SEPTIN9: variants seen among roughly 807,000 people sequenced by gnomAD.
SEPTIN9 encodes the protein septin 9.
A neutral mutation model predicts 56.6 loss-of-function variants in SEPTIN9; 13 were observed. The ratio of observed to expected loss-of-function variants is 0.23; its 90% CI spans 0.15 to 0.37. The LOEUF (loss-of-function observed/expected upper bound fraction) is 0.37, where lower values mean the gene tolerates loss of function less well. Ranked by LOEUF, SEPTIN9 falls within the 10% of genes least tolerant of loss-of-function variation. The pLI, the probability that SEPTIN9 is intolerant of heterozygous loss-of-function variation, is 1.00. For synonymous variants in SEPTIN9, 332 were observed against 334.1 expected (o/e 0.99, Z 0.07); for missense variants, 650 against 823.1 (o/e 0.79, Z 2.57).
Position 77,490,965 on chromosome 17 carries a change from G to A in SEPTIN9, c.1380+106G>A, listed in dbSNP as rs547484949. ...AAGGAGTCACACTGTCAGGGAGACC[G>A]AACCGCTGGTCACTCTCCCCAGCGG... On this transcript the variant is annotated intron_variant, in intron 8 of 11. Transcript: ENST00000427177. 8.9e-6 allele frequency: 8 copies of A among 897,882 alleles called. No homozygotes were observed. In the East Asian group the frequency reaches 1.6e-4, roughly 18 times the overall value. 55.6% of individuals were successfully genotyped at this position (897,882 alleles called of 1,614,324 possible). A position where few individuals can be genotyped will look rare whatever the true frequency, so the allele number is the denominator to read the frequency against.
At chr17:77,285,753 A>T (rs2031248065) in intron 1 of SEPTIN9, among the ~76,000 whole-genome samples, 1 of 152,184 alleles carries the variant, frequency 6.6e-6, no homozygotes, top group Admixed American at 6.5e-5. Context: ...ACCAGCCACG[A>T]TTAAAAAGCT....
At chr17:77,455,327 C>T (rs568372810) in intron 3 of SEPTIN9, among the ~76,000 whole-genome samples, 2 of 152,296 alleles carry the variant, frequency 1.3e-5, no homozygotes, top group Admixed American at 1.3e-4. Flanking sequence ...GGGGGCCCTT[C>T]GCTCTCTGTC....
chr17:77,466,576 G>A (rs1336499673), intron 3 of SEPTIN9: 2 of 985,676 alleles, frequency 2.0e-6, no homozygotes, highest in Non-Finnish European at 2.4e-6. Flanking sequence ...TCAACCCCAG[G>A]CCCTGGGTCC....
chr17:77,398,483 TGAG>T (rs1011939182), intron 2 of SEPTIN9, among the ~76,000 whole-genome samples: 5 of 151,964 alleles, frequency 3.3e-5, no homozygotes, highest in African/African-American at 1.2e-4. Context: ...GGCTTGGCTT[TGAG>T]GAGGATTCCC....
chr17:77,459,688 T>C (rs573171329), intron 3 of SEPTIN9, among the ~76,000 whole-genome samples: 266 of 151,448 alleles, frequency 1.8e-3, no homozygotes, highest in African/African-American at 6.1e-3. Flanking sequence ...GCACGTCACA[T>C]GGCGAGAGAG....
chr17:77,320,106 GT>G lies in SEPTIN9; in HGVS notation c.76+12912del. 2.1e-6 allele frequency: 3 copies of G among 1,450,788 alleles called. No homozygotes were observed. The South Asian group carries it at 4.3e-5, about 21-fold the overall frequency. 89.9% of individuals were successfully genotyped at this position (1,450,788 alleles called of 1,614,324 possible). A position where few individuals can be genotyped will look rare whatever the true frequency, so the allele number is the denominator to read the frequency against. On this transcript the variant is annotated intron_variant, in intron 2 of 11. Transcript: ENST00000427177. ...GTTTTGAAGAGACAATGCTACTTCAGTTTGGAGCACAAACATATGATCAGCA... is the reference window on the plus strand; with the variant it reads ...GTTTTGAAGAGACAATGCTACTTCAGTTGGAGCACAAACATATGATCAGCA...
chr17:77,332,880 C>A (rs931824033), intron 2 of SEPTIN9, among the ~76,000 whole-genome samples: 1 of 152,170 alleles, frequency 6.6e-6, no homozygotes, highest in Non-Finnish European at 1.5e-5. Context: ...GTTGAAAGAC[C>A]CCTGGCTGTT....
At chr17:77,289,858 C>A (rs1260184856) in intron 1 of SEPTIN9, among the ~76,000 whole-genome samples, 1 of 152,180 alleles carries the variant, frequency 6.6e-6, no homozygotes, top group African/African-American at 2.4e-5. Context: ...AAAACTTCAA[C>A]AATCATTGGC....
chr17:77,496,031 C>CTTTTTT (rs534634574), intron 10 of SEPTIN9, among the ~76,000 whole-genome samples: 13 of 140,204 alleles, frequency 9.3e-5, no homozygotes, highest in Non-Finnish European at 1.6e-4. Flanking sequence ...TTTTCTTTTT[C>CTTTTTT]TTTTTTTTTT....
chr17:77,438,904 A>T (rs957371741), intron 3 of SEPTIN9, among the ~76,000 whole-genome samples: 1 of 152,322 alleles, frequency 6.6e-6, no homozygotes, highest in Admixed American at 6.5e-5. Context: ...CAGTTCTGCA[A>T]TCATAGGAAA....
At chr17:77,404,769 G>T (rs977434191) in intron 3 of SEPTIN9, among the ~76,000 whole-genome samples, 1 of 152,176 alleles carries the variant, frequency 6.6e-6, no homozygotes, top group African/African-American at 2.4e-5. Flanking sequence ...AGGCTAGTGG[G>T]CCTTGGAAGG....
At position 77,352,193 on chromosome 17, in the gene SEPTIN9, C is replaced by T. The variant is rs551018205; in HGVS notation, c.76+44996C>T. On this transcript the variant is annotated intron_variant, in intron 2 of 11. Coordinates refer to ENST00000427177, the MANE Select transcript of SEPTIN9 (RefSeq NM_001113491.2). Reference sequence around the variant, plus strand: ...CGGTTGGATCACGAGGTCAGGAGATCGAGACCATCCTGGCTAACATGGTGA... The same window carrying T: ...CGGTTGGATCACGAGGTCAGGAGATTGAGACCATCCTGGCTAACATGGTGA... 1.4e-3 allele frequency among the ~76,000 whole-genome samples: 214 copies of T among 150,822 alleles called. 1 individual carries two copies. The highest frequency in any genetic ancestry group is 4.7e-3 in the African/African-American group (193 of 40,930).
chr17:77,302,135 A>G (rs991470201), intron 1 of SEPTIN9, among the ~76,000 whole-genome samples: 3 of 152,198 alleles, frequency 2.0e-5, no homozygotes, highest in African/African-American at 7.2e-5. Context: ...AAACATTTCC[A>G]TCTTGTGACT....
chr17:77,283,715 G>T (rs2031142859), intron 1 of SEPTIN9, among the ~76,000 whole-genome samples: 1 of 152,146 alleles, frequency 6.6e-6, no homozygotes, highest in Non-Finnish European at 1.5e-5. Flanking sequence ...GACCTGGTTT[G>T]AACATTCGTG....
At chr17:77,332,497 C>G (rs1057265868) in intron 2 of SEPTIN9, among the ~76,000 whole-genome samples, 3 of 152,196 alleles carry the variant, frequency 2.0e-5, no homozygotes, top group Non-Finnish European at 4.4e-5. Flanking sequence ...ATTTCATTAA[C>G]TAGAGTCCGG....
At chr17:77,432,210 G>A (rs747453089) in intron 3 of SEPTIN9, among the ~76,000 whole-genome samples, 12 of 152,188 alleles carry the variant, frequency 7.9e-5, no homozygotes, top group Non-Finnish European at 1.3e-4. Context: ...GTTCCCCTCT[G>A]TAAAATGGGC....
chr17:77,284,976 C>T (rs374506261), intron 1 of SEPTIN9, among the ~76,000 whole-genome samples: 15 of 152,274 alleles, frequency 9.9e-5, no homozygotes, highest in Admixed American at 3.3e-4. Flanking sequence ...AAAGGTTAAA[C>T]GAGTTCATAT....
chr17:77,321,970 C>T (rs535512235), intron 2 of SEPTIN9, among the ~76,000 whole-genome samples: 2 of 152,354 alleles, frequency 1.3e-5, no homozygotes, highest in Admixed American at 6.5e-5. Flanking sequence ...ACAGTGGAGC[C>T]GTCCTCGGAG....
Position 77,433,041 on chromosome 17 carries a change from G to T in SEPTIN9, c.721+30338G>T, listed in dbSNP as rs1426918144. 1.3e-5 allele frequency among the ~76,000 whole-genome samples: 2 copies of T among 152,156 alleles called. No individual in the cohort carries two copies. Among genetic ancestry groups the T allele is most frequent in the African/African-American group, 2.4e-5 (1 of 41,434 alleles). On this transcript the variant is annotated intron_variant, in intron 3 of 11. Transcript: ENST00000427177. The surrounding 1 kb of genome is among the most constrained non-coding windows in gnomAD (Gnocchi z 6.4). ...TGTTCCCTCCTGCCCCTCCCCTCCC[G>T]CTGTGCTCTCAGCTGCTCCGACAGG...
Sources: gnomAD v4.1 joint callset for allele counts (sites outside exome capture counted in the v4.1 genomes callset) on GRCh38, gnomAD v4.1.1 for gene constraint, Gnocchi (gnomAD v3.1) non-coding constraint, MANE v1.5 for transcripts, NCBI Gene and HGNC (gene_info 2026-07-23, HGNC 2026-07-21) for gene names.